The following CNTNAP2 variants were observed in gnomAD, a reference collection of about 807,000 sequenced individuals.
CNTNAP2 encodes the protein contactin associated protein 2.
A neutral mutation model predicts 155.2 loss-of-function variants in CNTNAP2; 98 were observed. That is an observed-to-expected ratio of 0.63 (90% confidence interval 0.54 to 0.75). The LOEUF is 0.75. CNTNAP2 is among the 30% of genes least tolerant of loss of function. CNTNAP2 has a pLI of 0.00. For missense variants in CNTNAP2, 1,727 were observed against 1,688.1 expected (o/e 1.02, Z -0.40); for synonymous variants, 651 against 631.2 (o/e 1.03, Z -0.47).
At position 147,554,005 on chromosome 7, in the gene CNTNAP2, T is replaced by C. The variant is rs911156439; in HGVS notation, c.1778-8133T>C. 6.6e-5 allele frequency among the ~76,000 whole-genome samples: 10 copies of C among 152,054 alleles called. 1 individual carries two copies. The East Asian group carries it at 1.7e-3, about 26-fold the overall frequency. ...GAAATGAGAGAGAGAAGGTTAGAGA[T>C]GGGAATGGAGACTCAGGAGATGCAG... On this transcript the variant is annotated intron_variant, in intron 11 of 23. Coordinates refer to ENST00000361727, the MANE Select transcript of CNTNAP2 (RefSeq NM_014141.6).
chr7:147,628,868 T>TA (rs60644349), intron 12 of CNTNAP2, among the ~76,000 whole-genome samples: 5,233 of 117,130 alleles, frequency 0.045, 147 homozygotes, highest in Non-Finnish European at 0.063. Flanking sequence ...CAACAGCAGT[T>TA]AAAAAAAAAA....
intron 1 of CNTNAP2, among the ~76,000 whole-genome samples, chr7:146,727,219 C>T (rs2129178671): frequency 6.6e-6 from 1 of 152,204 alleles, no homozygotes; most frequent in South Asian, 2.1e-4. Context: ...TTACCTGTTA[C>T]ACAGTGTCCT....
At chr7:146,493,802 T>G (rs1797173294) in intron 1 of CNTNAP2, among the ~76,000 whole-genome samples, 1 of 152,122 alleles carries the variant, frequency 6.6e-6, no homozygotes, top group African/African-American at 2.4e-5. Context: ...TGCCCAATTT[T>G]ATTGACAAAA....
At chr7:147,803,495 G>A (rs1798039767) in intron 13 of CNTNAP2, among the ~76,000 whole-genome samples, 1 of 152,200 alleles carries the variant, frequency 6.6e-6, no homozygotes, top group Non-Finnish European at 1.5e-5. Context: ...TGTTCTTCTA[G>A]GGAGTCTTGC....
chr7:147,065,635 C>A (rs141269369), intron 4 of CNTNAP2, among the ~76,000 whole-genome samples: 254 of 152,216 alleles, frequency 1.7e-3, no homozygotes, highest in African/African-American at 5.7e-3. Context: ...TTCAGTTTCC[C>A]TTGTATCTTA....
chr7:147,746,597 C>G (rs1489136445), intron 13 of CNTNAP2, among the ~76,000 whole-genome samples: 1 of 152,072 alleles, frequency 6.6e-6, no homozygotes, highest in African/African-American at 2.4e-5. Flanking sequence ...TCCTAGTTAT[C>G]CCATGCTACT....
At chr7:147,171,096 AT>A (rs954114851) in intron 8 of CNTNAP2, among the ~76,000 whole-genome samples, 2 of 152,054 alleles carry the variant, frequency 1.3e-5, no homozygotes, top group African/African-American at 4.8e-5. Flanking sequence ...TCAAACATCC[AT>A]TGGGGTTTTG....
At chr7:148,268,580 G>A (rs1354397068) in intron 21 of CNTNAP2, among the ~76,000 whole-genome samples, 1 of 151,964 alleles carries the variant, frequency 6.6e-6, no homozygotes, top group Non-Finnish European at 1.5e-5. Context: ...GCGTGAACCC[G>A]GGAGGCGGAG....
intron 13 of CNTNAP2, among the ~76,000 whole-genome samples, chr7:147,862,056 A>C (rs6975343): frequency 0.39 from 58,429 of 149,710 alleles, 11,677 homozygotes; most frequent in African/African-American, 0.44. Flanking sequence ...TAGTTAGCCA[A>C]TATGGTATTT....
chr7:147,590,215 T>C (rs1055693310), intron 12 of CNTNAP2, among the ~76,000 whole-genome samples: 2 of 152,210 alleles, frequency 1.3e-5, no homozygotes, highest in African/African-American at 4.8e-5. Context: ...TTATTTTTTA[T>C]TTATTTAAAA....
rs543712924 is a variant in CNTNAP2 at position 146,834,071 on chromosome 7, C to T, written c.209-5640C>T. The stretch of plus-strand genomic sequence containing the variant: ...AGCCAGTTATTAAAGGTAGTTCTAA[C>T]CCTAATTGAATTTTTTTTTCACCTT... On this transcript the variant is annotated intron_variant, in intron 2 of 23. Coordinates refer to ENST00000361727, the MANE Select transcript of CNTNAP2 (RefSeq NM_014141.6). 2.0e-5 allele frequency among the ~76,000 whole-genome samples: 3 copies of T among 152,120 alleles called. No homozygotes were observed. In the South Asian group the frequency reaches 6.2e-4, roughly 32 times the overall value.
chr7:146,817,426 C>T (rs200763279), intron 2 of CNTNAP2, among the ~76,000 whole-genome samples: 3 of 151,188 alleles, frequency 2.0e-5, no homozygotes, highest in Admixed American at 6.6e-5. Flanking sequence ...GAGCCGAGAT[C>T]GTGCCACTGC....
At chr7:147,403,961 C>A (rs565424153) in intron 10 of CNTNAP2, among the ~76,000 whole-genome samples, 8 of 152,236 alleles carry the variant, frequency 5.3e-5, no homozygotes, top group East Asian at 1.9e-4. Context: ...TCCAGGTTGA[C>A]CATCTCCTTC....
At chr7:146,855,295 T>A (rs1002218147) in intron 3 of CNTNAP2, among the ~76,000 whole-genome samples, 2 of 152,132 alleles carry the variant, frequency 1.3e-5, no homozygotes, top group African/African-American at 2.4e-5. Flanking sequence ...GAACTAAAAA[T>A]GCATTTATTC....
intron 11 of CNTNAP2, chr7:147,497,213 T>A (rs945359628): frequency 1.3e-5 from 2 of 152,174 alleles, no homozygotes; most frequent in African/African-American, 4.8e-5. Context: ...TTAAGTAAAA[T>A]GAGAAAAACA....
chr7:146,889,459 C>T (rs1393563342), intron 3 of CNTNAP2, among the ~76,000 whole-genome samples: 1 of 152,068 alleles, frequency 6.6e-6, no homozygotes, highest in Middle Eastern at 3.2e-3. Context: ...CATCTGTAAA[C>T]AGTGAGATTC....
chr7:147,533,763 C>G (rs931511391), intron 11 of CNTNAP2, among the ~76,000 whole-genome samples: 3 of 150,362 alleles, frequency 2.0e-5, no homozygotes, highest in African/African-American at 7.3e-5. Context: ...TGATAGCAGA[C>G]CAACAGGGCA....
chr7:146,243,556 A>G (rs1584822524), intron 1 of CNTNAP2, among the ~76,000 whole-genome samples: 2 of 152,328 alleles, frequency 1.3e-5, no homozygotes, highest in East Asian at 3.9e-4. Context: ...TTTGTTGTAT[A>G]GTGTTTACTT....
chr7:147,140,503 G>T (rs531420229), intron 8 of CNTNAP2, among the ~76,000 whole-genome samples: 17 of 152,018 alleles, frequency 1.1e-4, no homozygotes, highest in African/African-American at 4.1e-4. Flanking sequence ...ACCCTTTTGG[G>T]CATGAATTTT....
Sources: gnomAD v4.1 joint callset for allele counts (sites outside exome capture counted in the v4.1 genomes callset) on GRCh38, gnomAD v4.1.1 for gene constraint, MANE v1.5 for transcripts, NCBI Gene and HGNC (gene_info 2026-07-23, HGNC 2026-07-21) for gene names.